The following ADAM22 variants were observed in gnomAD, a reference collection of about 807,000 sequenced individuals.
ADAM22 encodes the protein ADAM metallopeptidase domain 22, also known as disintegrin and metalloproteinase domain-containing protein 22.
In ADAM22, 65 loss-of-function variants were observed where a neutral mutation model predicts 144.6. The observed-to-expected ratio is 0.45, with a 90% CI of 0.37 to 0.55. The LOEUF is 0.55. Among genes scored for constraint, ADAM22 ranks in the 20% least tolerant of loss-of-function variants. The probability of loss-of-function intolerance (pLI) is 0.00; values close to 1 mark genes in which losing one functional copy is unlikely to be tolerated. For missense variants in ADAM22, 974 were observed against 1,184.9 expected (o/e 0.82, Z 2.61); for synonymous variants, 391 against 412.6 (o/e 0.95, Z 0.63).
intron 23 of ADAM22, among the ~76,000 whole-genome samples, chr7:88,164,010 T>A (rs1046511309): frequency 3.9e-5 from 6 of 152,116 alleles, no homozygotes; most frequent in African/African-American, 1.4e-4. Flanking sequence ...TCCATGCTTG[T>A]CCTCAGGGAT....
intron 3 of ADAM22, among the ~76,000 whole-genome samples, chr7:88,019,489 A>G (rs555756799): frequency 6.6e-6 from 1 of 151,704 alleles, no homozygotes; most frequent in South Asian, 2.1e-4. Flanking sequence ...CAAAGAAAGA[A>G]ATAAATACAC....
intron 26 of ADAM22, among the ~76,000 whole-genome samples, chr7:88,176,014 C>T (rs1177726737): frequency 6.6e-6 from 1 of 151,970 alleles, no homozygotes; most frequent in Non-Finnish European, 1.5e-5. Flanking sequence ...GCTCTGTCAC[C>T]CAAGCTGGAG....
chr7:88,068,943 T>C (rs927659838), intron 3 of ADAM22, among the ~76,000 whole-genome samples: 16 of 152,136 alleles, frequency 1.1e-4, no homozygotes, highest in African/African-American at 3.6e-4. Context: ...CCTCTAAATA[T>C]CATGTTGAAA....
chr7:88,055,203 GA>G (rs975356086), intron 3 of ADAM22, among the ~76,000 whole-genome samples: 1 of 151,760 alleles, frequency 6.6e-6, no homozygotes, highest in African/African-American at 2.4e-5. Flanking sequence ...CCCAAGTTTG[GA>G]AAAGACTGAG....
chr7:88,072,701 T>A (rs560048388), intron 3 of ADAM22, among the ~76,000 whole-genome samples: 1 of 152,346 alleles, frequency 6.6e-6, no homozygotes, highest in South Asian at 2.1e-4. Flanking sequence ...ATGATTTTTT[T>A]CTGAATTTAC....
intron 2 of ADAM22, among the ~76,000 whole-genome samples, chr7:87,957,084 G>T (rs1381989145): frequency 1.3e-5 from 2 of 152,054 alleles, no homozygotes; most frequent in East Asian, 3.9e-4. Flanking sequence ...TACCCTACAG[G>T]ATTCCTCACA....
chr7:87,953,225 T>A (rs1845718869), intron 2 of ADAM22, among the ~76,000 whole-genome samples: 1 of 152,182 alleles, frequency 6.6e-6, no homozygotes, highest in South Asian at 2.1e-4. Flanking sequence ...TTCTTTTAAT[T>A]GTGATGTTAG....
chr7:88,120,438 T>C (rs535041854), intron 7 of ADAM22, among the ~76,000 whole-genome samples: 1 of 151,952 alleles, frequency 6.6e-6, no homozygotes, highest in African/African-American at 2.4e-5. Context: ...GTGGGTACAC[T>C]CTTTTATATT....
At chr7:88,101,726 A>C (rs1275877632) in intron 4 of ADAM22, among the ~76,000 whole-genome samples, 2 of 152,212 alleles carry the variant, frequency 1.3e-5, no homozygotes, top group East Asian at 3.8e-4. Flanking sequence ...ATTCTGTATC[A>C]GGAAGGGTCA....
intron 8 of ADAM22, among the ~76,000 whole-genome samples, chr7:88,128,192 A>G (rs2129496216): frequency 1.3e-5 from 2 of 152,156 alleles, no homozygotes; most frequent in African/African-American, 4.8e-5. Context: ...ATATGTTACT[A>G]TTTTCAAGAT....
At chr7:88,106,292 T>G (rs1824369449) in intron 4 of ADAM22, among the ~76,000 whole-genome samples, 1 of 152,116 alleles carries the variant, frequency 6.6e-6, no homozygotes, top group Admixed American at 6.6e-5. Flanking sequence ...TGGAGGTGGT[T>G]TAAGGTCCAG....
chr7:88,067,981 G>A (rs1186665210), intron 3 of ADAM22, among the ~76,000 whole-genome samples: 1 of 152,100 alleles, frequency 6.6e-6, no homozygotes, highest in East Asian at 1.9e-4. Flanking sequence ...CCCTTTTGTA[G>A]TTTCCTTTTA....
intron 23 of ADAM22, among the ~76,000 whole-genome samples, chr7:88,164,927 C>A (rs1272102363): frequency 6.6e-6 from 1 of 152,038 alleles, no homozygotes; most frequent in Admixed American, 6.6e-5. Context: ...AAATCCAGGC[C>A]TTTTGATTTT....
At chr7:87,942,723 C>T (rs1271581090) in intron 2 of ADAM22, among the ~76,000 whole-genome samples, 1 of 152,086 alleles carries the variant, frequency 6.6e-6, no homozygotes, top group Non-Finnish European at 1.5e-5. Context: ...GGACACGTGT[C>T]CTATTTGTTT....
intron 3 of ADAM22, among the ~76,000 whole-genome samples, chr7:87,997,655 C>T (rs1367668066): frequency 6.6e-6 from 1 of 152,250 alleles, no homozygotes; most frequent in African/African-American, 2.4e-5. Context: ...TGATCCCCTT[C>T]CTCCACTTTC....
intron 3 of ADAM22, among the ~76,000 whole-genome samples, chr7:88,068,833 G>A (rs996257769): frequency 1.3e-5 from 2 of 152,132 alleles, no homozygotes; most frequent in African/African-American, 4.8e-5. Context: ...TGGGCTTCCT[G>A]ACAGCATGGT....
intron 3 of ADAM22, among the ~76,000 whole-genome samples, chr7:87,988,450 C>A (rs1420704104): frequency 1.3e-5 from 2 of 152,134 alleles, no homozygotes; most frequent in African/African-American, 2.4e-5. Context: ...CACCCCTTTG[C>A]CAGAGCACAT....
chr7:88,079,965 A>G (rs1028926040), intron 4 of ADAM22, among the ~76,000 whole-genome samples: 36 of 152,238 alleles, frequency 2.4e-4, no homozygotes, highest in African/African-American at 8.7e-4. Flanking sequence ...AAGGATATCC[A>G]GGAATTGAAT....
rs1447126319 is a variant in ADAM22 at position 88,200,901 on chromosome 7, C to T, written c.*4410C>T. The T allele has an allele frequency of 2.0e-5, 3 of 152,136 alleles. No individual in the cohort carries two copies. The East Asian group carries it at 5.8e-4, about 29-fold the overall frequency. 9.4% of individuals were successfully genotyped at this position (152,136 alleles called of 1,614,324 possible). ...TTGATAGTATAATATAATGAGGGGC[C>T]CAGTCTGCTCTTGTGAAAATTGGCT... is the stretch of plus-strand genomic sequence containing the variant. On this transcript the variant is annotated 3_prime_UTR_variant, in exon 32 of 32. Transcript: ENST00000413139.
Sources: allele counts gnomAD v4.1 joint callset (sites outside exome capture counted in the v4.1 genomes callset), GRCh38; gene constraint gnomAD v4.1.1; transcripts MANE v1.5; gene names NCBI Gene and HGNC (gene_info 2026-07-23, HGNC 2026-07-21).